The following IDH3A variants were observed in gnomAD, a reference collection of about 807,000 sequenced individuals.
IDH3A encodes the protein isocitrate dehydrogenase [NAD] subunit alpha, mitochondrial.
IDH3A carries 23 observed loss-of-function variants against 43.3 expected under a neutral mutation model. That is an observed-to-expected ratio of 0.53 (90% CI 0.38 to 0.75). The LOEUF (loss-of-function observed/expected upper bound fraction) is 0.75, where lower values mean the gene tolerates loss of function less well. Among genes scored for constraint, IDH3A ranks in the 30% least tolerant of loss-of-function variants. The pLI is 0.00. For synonymous variants in IDH3A, 154 were observed against 163.5 expected, an observed-to-expected ratio of 0.94 and a Z score of 0.44; for missense variants, 329 against 474.4, an observed-to-expected ratio of 0.69 and a Z score of 2.85.
At chr15:78,156,802 C>G in intron 2 of IDH3A, 4 of 903,636 alleles carry the variant, frequency 4.4e-6, no homozygotes, top group Non-Finnish European at 4.7e-6. Flanking sequence ...TGCCTGAAGC[C>G]TTAGAATAAA....
Position 78,171,632 on chromosome 15 carries a change from T to A in IDH3A, c.*2627T>A. The A allele has an allele frequency of 2.1e-6, 2 of 939,200 alleles. No homozygotes were observed. The highest frequency in any genetic ancestry group is 3.3e-6 in the Non-Finnish European group (2 of 601,788). The allele number at this position is 939,200 out of a possible 1,614,324, so 58.2% of individuals were successfully genotyped here. A position where few individuals can be genotyped will look rare whatever the true frequency, so the allele number is the denominator to read the frequency against. On this transcript the variant is annotated 3_prime_UTR_variant, in exon 11 of 11. Coordinates refer to ENST00000299518, the MANE Select transcript of IDH3A (RefSeq NM_005530.3). ...TCAGTCCTATATATAACTCAGGAAT[T>A]AAGCCAGATAATCAGGACCGTCAGT...
chr15:78,166,930 C>T (rs2074750520), intron 10 of IDH3A, among the ~76,000 whole-genome samples: 1 of 152,234 alleles, frequency 6.6e-6, no homozygotes, highest in Admixed American at 6.5e-5. Flanking sequence ...CCACACCCGG[C>T]CAAGTTCATT....
chr15:78,161,867 G>A lies in IDH3A; in HGVS notation c.477+99G>A. ...CTGCTTTATCTCTGTGAGGAGTTGTGGGTGTTTGTCTTGGTGCTGGGTGTC... is the reference window on the plus strand; with the variant it reads ...CTGCTTTATCTCTGTGAGGAGTTGTAGGTGTTTGTCTTGGTGCTGGGTGTC... On this transcript the variant is annotated intron_variant, in intron 5 of 10. Transcript: ENST00000299518. The surrounding 1 kb of genome is among the most constrained non-coding windows in gnomAD (Gnocchi z 4.8). The A allele has an allele frequency of 1.8e-6, 2 of 1,085,012 alleles. No individual in the cohort carries two copies. The highest frequency in any genetic ancestry group is 2.0e-5 in the Admixed American group (1 of 49,712). The allele number at this position is 1,085,012 out of a possible 1,614,324, so 67.2% of individuals were successfully genotyped here. A position where few individuals can be genotyped will look rare whatever the true frequency, so the allele number is the denominator to read the frequency against.
intron 1 of IDH3A, among the ~76,000 whole-genome samples, chr15:78,150,231 A>T (rs1487601921): frequency 6.6e-6 from 1 of 152,156 alleles, no homozygotes. Flanking sequence ...TTCTCAGTGG[A>T]ACTAACCTGT....
chr15:78,149,457 C>T (rs2074554401), intron 1 of IDH3A, 27 bp downstream of exon 1: 1 of 1,515,346 alleles, frequency 6.6e-7, no homozygotes, highest in Non-Finnish European at 8.8e-7. Flanking sequence ...CGGCGTGTGG[C>T]AGGCAGGCAG....
At chr15:78,160,662 TAA>T (rs1338005209) in intron 4 of IDH3A, among the ~76,000 whole-genome samples, 1 of 152,088 alleles carries the variant, frequency 6.6e-6, no homozygotes, top group Non-Finnish European at 1.5e-5. Flanking sequence ...ACTAATTTTT[TAA>T]AAAGTTTTTT....
At chr15:78,163,849 C>A in intron 8 of IDH3A, 69 bp downstream of exon 8, 1 of 990,662 alleles carries the variant, frequency 1.0e-6, no homozygotes, top group South Asian at 1.3e-5. Flanking sequence ...ATAATTATGG[C>A]TTAACATTTT....
intron 5 of IDH3A, 118 bp from the exon 6 acceptor site, chr15:78,162,116 C>T (rs988368317): frequency 3.1e-5 from 31 of 1,002,434 alleles, no homozygotes; most frequent in Non-Finnish European, 4.6e-5. Context: ...TGTGATTAGT[C>T]ATGCTAGCTG....
In IDH3A at chr15:78,171,458, CT is replaced by C. The variant is rs1378860386; in HGVS notation, c.*2455del. Reference sequence around the variant, plus strand: ...ATAGGCCCTGATTACATTTTTTGCTCTTGGTAAAAGGAGTCAATGATACCTT... The same window carrying C: ...ATAGGCCCTGATTACATTTTTTGCTCTGGTAAAAGGAGTCAATGATACCTT... On this transcript the variant is annotated 3_prime_UTR_variant, in exon 11 of 11. Coordinates refer to ENST00000299518, the MANE Select transcript of IDH3A (RefSeq NM_005530.3). 6.2e-7 allele frequency: 1 copy of C among 1,613,798 alleles called. No individual in the cohort carries two copies. The highest frequency in any genetic ancestry group is 1.7e-5 in the Admixed American group (1 of 59,960).
chr15:78,160,373 AT>A (rs912290980), intron 4 of IDH3A, among the ~76,000 whole-genome samples, 167 bp downstream of exon 4: 12 of 152,234 alleles, frequency 7.9e-5, no homozygotes, highest in African/African-American at 2.2e-4. Flanking sequence ...CATTTGGGAC[AT>A]TTTTTTCCCC....
chr15:78,163,524 T>C lies in IDH3A; in HGVS notation c.629T>C (p.Leu210Pro), dbSNP rs745664361. 6.2e-7 allele frequency: 1 copy of C among 1,611,796 alleles called. No individual in the cohort carries two copies. The highest frequency in any genetic ancestry group is 8.5e-7 in the Non-Finnish European group (1 of 1,178,126). Residue 210 changes from leucine (L) to proline (P), a missense_variant, in exon 7 of 11, where the codon CTT becomes CCT. Transcript: ENST00000299518. ...KANIMRMSDGLFLQKCREVAE... is the reference protein window; with the variant it reads ...KANIMRMSDGPFLQKCREVAE... ...AAATACAGGCGGATGTCAGATGGGCTTTTTCTACAAAAATGCAGGGAAGTT... is the reference window on the plus strand; with the variant it reads ...AAATACAGGCGGATGTCAGATGGGCCTTTTCTACAAAAATGCAGGGAAGTT...
At chr15:78,152,520 C>G (rs1289084834) in intron 1 of IDH3A, among the ~76,000 whole-genome samples, 1 of 151,890 alleles carries the variant, frequency 6.6e-6, no homozygotes, top group African/African-American at 2.4e-5. Flanking sequence ...GCCACCACGC[C>G]TGGCTAATTT....
rs74489490 is a variant in IDH3A, at chr15:78,155,008, C to G, written c.28-205C>G. Among the ~76,000 whole-genome samples the G allele has an allele frequency of 3.0e-4, 45 of 152,266 alleles. No individual in the cohort carries two copies. The East Asian group carries it at 4.6e-3, about 16-fold the overall frequency. On this transcript the variant is annotated intron_variant, in intron 1 of 10. Transcript: ENST00000299518. ...ACTTTGAAAATATACAGTACTCAATCTAAAGTAAAAATCTGAGTATTTAGG... is the reference window on the plus strand; with the variant it reads ...ACTTTGAAAATATACAGTACTCAATGTAAAGTAAAAATCTGAGTATTTAGG...
intron 10 of IDH3A, 62 bp downstream of exon 10, chr15:78,166,364 G>C: frequency 6.6e-7 from 1 of 1,510,344 alleles, no homozygotes; most frequent in South Asian, 1.1e-5. Context: ...TGTTTTATCT[G>C]AGTGAAAGGG....
chr15:78,149,839 C>G (rs1423387313), intron 1 of IDH3A, among the ~76,000 whole-genome samples: 1 of 152,258 alleles, frequency 6.6e-6, no homozygotes, highest in South Asian at 2.1e-4. Flanking sequence ...CGGGACTGAT[C>G]CCCTCAGCAC....
In IDH3A at chr15:78,157,765, C is replaced by T. The variant is rs908286452; in HGVS notation, c.174+134C>T. 1.5e-5 allele frequency: 9 copies of T among 596,626 alleles called. 1 individual carries two copies. Among genetic ancestry groups the T allele is most frequent in the African/African-American group, 7.5e-5 (4 of 53,146 alleles). The allele number at this position is 596,626 out of a possible 1,614,324, so 37.0% of individuals were successfully genotyped here. ...AGTCAGGTCTGTTGTTAATCTCCAC[C>T]GATTGTCACTTTAACAGTGTGTGTC... is the stretch of plus-strand genomic sequence containing the variant. On this transcript the variant is annotated intron_variant, in intron 3 of 10. Transcript: ENST00000299518.
At chr15:78,153,592 A>G (rs1477558478) in intron 1 of IDH3A, among the ~76,000 whole-genome samples, 1 of 152,202 alleles carries the variant, frequency 6.6e-6, no homozygotes, top group Non-Finnish European at 1.5e-5. Flanking sequence ...ATTCATTCAT[A>G]CCTTTCTTGG....
At chr15:78,165,411 G>A (rs2141301794) in intron 9 of IDH3A, among the ~76,000 whole-genome samples, 1 of 152,008 alleles carries the variant, frequency 6.6e-6, no homozygotes, top group East Asian at 1.9e-4. Flanking sequence ...GGCTGTTCTT[G>A]AACTCCTGAT....
In IDH3A at chr15:78,166,188, G is replaced by A. The variant is rs757497451; in HGVS notation, c.903G>A (p.Met301Ile). 3 of 1,614,172 alleles carry A rather than the reference G, an allele frequency of 1.9e-6. No homozygotes were observed. The highest frequency in any genetic ancestry group is 2.5e-6 in the Non-Finnish European group (3 of 1,180,024). Residue 301 changes from methionine (M) to isoleucine (I), a missense_variant, in exon 10 of 11, where the codon ATG (methionine) becomes ATA (isoleucine). Transcript: ENST00000299518. ...CTCCAGACATTGCAGGCAAGGACAT[G>A]GCGAATCCCACAGCCCTCCTGCTCA... The part of the protein sequence containing the change: ...GTAPDIAGKD[M>I]ANPTALLLSA...
Sources: gnomAD v4.1 joint callset for allele counts (sites outside exome capture counted in the v4.1 genomes callset) on GRCh38, gnomAD v4.1.1 for gene constraint, Gnocchi (gnomAD v3.1) non-coding constraint, MANE v1.5 for transcripts, NCBI Gene and HGNC (gene_info 2026-07-23, HGNC 2026-07-21) for gene names.